SCAPER: variants seen among roughly 807,000 people sequenced by gnomAD.
SCAPER encodes S phase cyclin A-associated protein in the endoplasmic reticulum.
In SCAPER, 98 loss-of-function variants were observed where a neutral mutation model predicts 182.2. That is an observed-to-expected ratio of 0.54 (90% confidence interval 0.46 to 0.64). SCAPER has a LOEUF of 0.64. SCAPER is among the 30% of genes least tolerant of loss of function. The pLI is 0.00. For synonymous variants in SCAPER, 605 were observed against 564.6 expected (o/e 1.07, Z -1.01); for missense variants, 1,432 against 1,690.0 (o/e 0.85, Z 2.68).
chr15:76,874,857 G>A (rs555025890), intron 2 of SCAPER, among the ~76,000 whole-genome samples: 63 of 152,256 alleles, frequency 4.1e-4, no homozygotes, highest in African/African-American at 1.5e-3. Flanking sequence ...CAGCTACTCA[G>A]GAGGCTAAGG....
rs1010280180 is a variant in SCAPER, at chr15:76,857,943, T to C, written c.125-64A>G. The C allele has an allele frequency of 2.8e-5, 31 of 1,118,094 alleles. No homozygotes were observed. The South Asian group carries it at 2.9e-4, about 10-fold the overall frequency. 69.3% of individuals were successfully genotyped at this position (1,118,094 alleles called of 1,614,324 possible). On this transcript the variant is annotated intron_variant, in intron 3 of 31. Transcript: ENST00000563290. ...AATGATAGATAGTATAAAATTGAACTACAGGTAATTAGATAATGTAAACCT... is the reference window on the plus strand; with the variant it reads ...AATGATAGATAGTATAAAATTGAACCACAGGTAATTAGATAATGTAAACCT...
At chr15:76,677,488 T>C (rs1261698668) in intron 20 of SCAPER, among the ~76,000 whole-genome samples, 1 of 151,878 alleles carries the variant, frequency 6.6e-6, no homozygotes, top group African/African-American at 2.4e-5. Context: ...TAATAAATTA[T>C]AAAGTCCTCC....
chr15:76,739,333 C>T (rs2061433191), intron 15 of SCAPER, among the ~76,000 whole-genome samples: 2 of 152,172 alleles, frequency 1.3e-5, no homozygotes, highest in African/African-American at 4.8e-5. Context: ...CATAAGATTT[C>T]TTTCCTTTCC....
At chr15:76,891,030 A>T (rs1174368054) in intron 1 of SCAPER, among the ~76,000 whole-genome samples, 1 of 152,182 alleles carries the variant, frequency 6.6e-6, no homozygotes, top group Non-Finnish European at 1.5e-5. Context: ...CAAATCAATA[A>T]ACGTAATCCA....
At chr15:76,651,645 A>C (rs958038621) in intron 21 of SCAPER, among the ~76,000 whole-genome samples, 6 of 151,616 alleles carry the variant, frequency 4.0e-5, no homozygotes, top group Non-Finnish European at 5.9e-5. Flanking sequence ...AAAAAAAAAA[A>C]ACCCTTGACC....
chr15:76,750,980 A>G (rs1403301424), intron 15 of SCAPER, among the ~76,000 whole-genome samples: 1 of 151,832 alleles, frequency 6.6e-6, no homozygotes, highest in South Asian at 2.1e-4. Flanking sequence ...TATATGTAGA[A>G]AACACTTACA....
intron 4 of SCAPER, among the ~76,000 whole-genome samples, chr15:76,844,155 A>C (rs1226522010): frequency 6.6e-6 from 1 of 152,078 alleles, no homozygotes; most frequent in African/African-American, 2.4e-5. Context: ...CTGCTTCCCA[A>C]GACACTCAAT....
chr15:76,432,898 A>C (rs749030753), intron 26 of SCAPER, among the ~76,000 whole-genome samples: 1 of 152,214 alleles, frequency 6.6e-6, no homozygotes, highest in East Asian at 1.9e-4. Flanking sequence ...CAATTTCCTC[A>C]CCTACAAAGC....
At chr15:76,793,827 C>T (rs1049560387) in intron 8 of SCAPER, among the ~76,000 whole-genome samples, 4 of 152,182 alleles carry the variant, frequency 2.6e-5, no homozygotes, top group Admixed American at 1.3e-4. Context: ...TAACCTGAGG[C>T]TTGTTACTGG....
chr15:76,838,557 A>T (rs1487897188), intron 5 of SCAPER, among the ~76,000 whole-genome samples: 1 of 152,160 alleles, frequency 6.6e-6, no homozygotes, highest in African/African-American at 2.4e-5. Context: ...TTCAAGGCAT[A>T]CTATCCTAGA....
chr15:76,576,586 A>C (rs2047838576), intron 22 of SCAPER, among the ~76,000 whole-genome samples: 3 of 152,208 alleles, frequency 2.0e-5, no homozygotes, highest in African/African-American at 7.2e-5. Context: ...TAAGAACCGA[A>C]AGTTGTGTGA....
rs182398612 is a variant in SCAPER, at chr15:76,615,938, T to C, written c.2711+5826A>G. 1.1e-3 allele frequency among the ~76,000 whole-genome samples: 160 copies of C among 152,062 alleles called. 3 individuals carry two copies. The highest frequency in any genetic ancestry group is 3.8e-3 in the African/African-American group (157 of 41,464). ...AAAATGAGATACTATCTCAACTATATGGATGGCTACTATCAAAAAAAGCAG... is the reference window on the plus strand; with the variant it reads ...AAAATGAGATACTATCTCAACTATACGGATGGCTACTATCAAAAAAAGCAG... On this transcript the variant is annotated intron_variant, in intron 22 of 31. Transcript: ENST00000563290.
chr15:76,372,142 T>C (rs2042228716), intron 29 of SCAPER, among the ~76,000 whole-genome samples: 1 of 152,124 alleles, frequency 6.6e-6, no homozygotes, highest in Non-Finnish European at 1.5e-5. Flanking sequence ...TCCAGTTTAG[T>C]ATTCCATCCT....
intron 1 of SCAPER, among the ~76,000 whole-genome samples, chr15:76,887,601 G>A (rs1044806741): frequency 1.3e-5 from 2 of 152,184 alleles, no homozygotes; most frequent in African/African-American, 4.8e-5. Flanking sequence ...AGTCAGGGAG[G>A]AGCGTCCACA....
chr15:76,691,251 A>G (rs985684124), intron 20 of SCAPER, among the ~76,000 whole-genome samples: 2 of 152,046 alleles, frequency 1.3e-5, no homozygotes, highest in African/African-American at 2.4e-5. Flanking sequence ...TTAAAATTAA[A>G]TTATTAAAGA....
chr15:76,831,031 C>T (rs932520163), intron 5 of SCAPER, among the ~76,000 whole-genome samples: 1 of 152,144 alleles, frequency 6.6e-6, no homozygotes, highest in Admixed American at 6.5e-5. Flanking sequence ...CCCTCATGAC[C>T]TCCACAGGCA....
chr15:76,899,964 AC>A (rs1219009961), intron 1 of SCAPER, among the ~76,000 whole-genome samples: 1 of 152,234 alleles, frequency 6.6e-6, no homozygotes, highest in Non-Finnish European at 1.5e-5. Flanking sequence ...AAAGAAGTAG[AC>A]ATAGGAGACT....
intron 8 of SCAPER, chr15:76,793,424 G>A: frequency 1.8e-6 from 1 of 554,994 alleles, no homozygotes. Context: ...AGAACACTGG[G>A]ACTTTCAGCC....
At chr15:76,556,041 C>T (rs12915611) in intron 23 of SCAPER, among the ~76,000 whole-genome samples, 4,760 of 152,186 alleles carry the variant, frequency 0.031, 115 homozygotes, top group Non-Finnish European at 0.048. Context: ...TACTCTCAGA[C>T]CACAGTGCAA....
Sources: gnomAD v4.1 joint callset for allele counts (sites outside exome capture counted in the v4.1 genomes callset) on GRCh38, gnomAD v4.1.1 for gene constraint, MANE v1.5 for transcripts, NCBI Gene and HGNC (gene_info 2026-07-23, HGNC 2026-07-21) for gene names.